Variants in PSD3 observed in about 807,000 individuals in gnomAD.
PSD3 encodes the protein PH and SEC7 domain-containing protein 3.
In PSD3, 49 loss-of-function variants were observed where a neutral mutation model predicts 105.5. The observed-to-expected ratio is 0.46, with a 90% CI of 0.37 to 0.59. The LOEUF is 0.59. Among genes scored for constraint, PSD3 ranks in the 20% least tolerant of loss-of-function variants. The pLI is 0.00. For missense variants in PSD3, 1,561 were observed against 1,263.8 expected, an observed-to-expected ratio of 1.24 and a Z score of -3.57; for synonymous variants, 557 against 457.8, an observed-to-expected ratio of 1.22 and a Z score of -2.77.
chr8:18,575,052 T>C lies in PSD3; in HGVS notation c.2639+76A>G, dbSNP rs115348678. 1.9e-3 allele frequency: 2,813 copies of C among 1,443,468 alleles called. 63 individuals carry two copies. In the African/African-American group the frequency reaches 0.037, roughly 19 times the overall value. 89.4% of individuals were successfully genotyped at this position (1,443,468 alleles called of 1,614,324 possible). A position where few individuals can be genotyped will look rare whatever the true frequency, so the allele number is the denominator to read the frequency against. ...ACTCAAAAAATTTCCCCTGCAGAGC[T>C]TGATTTTGTTCCTTGCAATAAAGTA... On this transcript the variant is annotated intron_variant, in intron 13 of 15. Transcript: ENST00000327040.
In PSD3 at chr8:18,799,322, C is replaced by G. The variant is rs750869677; in HGVS notation, c.2055G>C (p.Met685Ile). The change falls in exon 8 of 16, where the codon ATG becomes ATC. Residue 685 changes from methionine to isoleucine, a missense_variant. Met to Ile is a conservative substitution (Grantham distance 10). Coordinates refer to ENST00000327040, the MANE Select transcript of PSD3 (RefSeq NM_015310.4). ...GGCCATGTAGATCGGTATTAAGAAG[C>G]ATTATTGCACAGGTAAGGCAATGGA... The part of the protein sequence containing the change: ...DGVHCLTCAI[M>I]LLNTDLHGHN... The G allele has an allele frequency of 3.1e-6, 5 of 1,608,712 alleles. No homozygotes were observed. The highest frequency in any genetic ancestry group is 1.1e-5 in the South Asian group (1 of 90,948).
intron 14 of PSD3, among the ~76,000 whole-genome samples, chr8:18,568,542 C>A (rs1411159989): frequency 3.9e-5 from 6 of 152,102 alleles, no homozygotes; most frequent in Middle Eastern, 3.2e-3. Flanking sequence ...CCTGTTTCCT[C>A]TACTTCCATG....
At chr8:19,054,745 A>G (rs1293732117) in intron 1 of PSD3, among the ~76,000 whole-genome samples, 1 of 152,242 alleles carries the variant, frequency 6.6e-6, no homozygotes, top group East Asian at 1.9e-4. Context: ...ACAGAATCAT[A>G]ATAACAAATT....
chr8:19,015,780 G>C (rs1827160521), upstream of PSD3, among the ~76,000 whole-genome samples: 1 of 152,196 alleles, frequency 6.6e-6, no homozygotes, highest in Non-Finnish European at 1.5e-5. Flanking sequence ...ATTAAGGAAA[G>C]CTCCTGGCCT....
chr8:18,790,708 G>C (rs931717911), intron 8 of PSD3, among the ~76,000 whole-genome samples: 9 of 151,890 alleles, frequency 5.9e-5, no homozygotes, highest in African/African-American at 1.9e-4. Flanking sequence ...ATGAACGCCA[G>C]GCCCCACTAG....
intron 4 of PSD3, among the ~76,000 whole-genome samples, chr8:18,811,976 T>C (rs1320052525): frequency 2.0e-5 from 3 of 152,178 alleles, no homozygotes; most frequent in Non-Finnish European, 4.4e-5. Flanking sequence ...TACATACAAA[T>C]TGAAAGAAAA....
intron 9 of PSD3, among the ~76,000 whole-genome samples, chr8:18,674,212 G>T (rs997747450): frequency 1.3e-5 from 2 of 152,118 alleles, no homozygotes; most frequent in African/African-American, 2.4e-5. Context: ...CATTCAGAAG[G>T]TCGACTTACT....
intron 12 of PSD3, among the ~76,000 whole-genome samples, chr8:18,592,582 C>T (rs577646851): frequency 6.6e-6 from 1 of 151,990 alleles, no homozygotes; most frequent in Non-Finnish European, 1.5e-5. Flanking sequence ...CAAAGAAAAA[C>T]AGAGGACTTT....
intron 2 of PSD3, among the ~76,000 whole-genome samples, chr8:18,933,351 C>G (rs1821871349): frequency 6.6e-6 from 1 of 151,120 alleles, no homozygotes; most frequent in Non-Finnish European, 1.5e-5. Flanking sequence ...GGTATTATCT[C>G]TATATAGTTA....
intron 8 of PSD3, among the ~76,000 whole-genome samples, chr8:18,766,610 A>C (rs897212943): frequency 1.3e-5 from 2 of 152,216 alleles, no homozygotes; most frequent in Non-Finnish European, 2.9e-5. Flanking sequence ...CATACTATCA[A>C]GACCTGTGAA....
intron 9 of PSD3, among the ~76,000 whole-genome samples, chr8:18,718,994 G>C (rs1054249644): frequency 1.3e-5 from 2 of 152,180 alleles, no homozygotes; most frequent in Non-Finnish European, 2.9e-5. Context: ...CTGATGTAGA[G>C]ATCTTGTGGG....
At chr8:19,049,644 T>C (rs1828445824) in intron 1 of PSD3, among the ~76,000 whole-genome samples, 1 of 140,692 alleles carries the variant, frequency 7.1e-6, no homozygotes, top group Non-Finnish European at 1.5e-5. Flanking sequence ...TGAGCCACGA[T>C]TGCTCCACTG....
At chr8:18,766,041 AC>A (rs1806970121) in intron 8 of PSD3, among the ~76,000 whole-genome samples, 1 of 152,010 alleles carries the variant, frequency 6.6e-6, no homozygotes, top group South Asian at 2.1e-4. Context: ...ATTTACAAAT[AC>A]AGGGCTGGGC....
At chr8:18,770,534 C>G (rs758506632) in intron 8 of PSD3, among the ~76,000 whole-genome samples, 5 of 152,190 alleles carry the variant, frequency 3.3e-5, no homozygotes, top group Non-Finnish European at 7.3e-5. Context: ...CAGCCAACTC[C>G]ACTCACTCAA....
At chr8:18,890,251 C>T (rs1818703129) in intron 2 of PSD3, among the ~76,000 whole-genome samples, 1 of 151,772 alleles carries the variant, frequency 6.6e-6, no homozygotes, top group South Asian at 2.1e-4. Context: ...ATCAGTTTTC[C>T]TAGCTCAATT....
Position 18,534,618 on chromosome 8 carries a change from A to G in PSD3, c.*1125T>C, listed in dbSNP as rs1218122253. 1 of 152,240 alleles carries G rather than the reference A, an allele frequency of 6.6e-6. No individual in the cohort carries two copies. The highest frequency in any genetic ancestry group is 1.5e-5 in the Non-Finnish European group (1 of 68,044). 9.4% of individuals were successfully genotyped at this position (152,240 alleles called of 1,614,324 possible). ...CAGAAGATTCCTCAGTTTTCCAACC[A>G]TAATTCATTCTGACTACTACTTTCA... is the stretch of plus-strand genomic sequence containing the variant. On this transcript the variant is annotated 3_prime_UTR_variant, in exon 16 of 16. Transcript: ENST00000327040.
chr8:18,580,013 A>C (rs1802704969), intron 12 of PSD3, among the ~76,000 whole-genome samples: 1 of 152,188 alleles, frequency 6.6e-6, no homozygotes, highest in African/African-American at 2.4e-5. Flanking sequence ...CTGGGTCCTA[A>C]ATTGTCTATT....
At chr8:18,665,718 G>A (rs760955597) in intron 9 of PSD3, among the ~76,000 whole-genome samples, 3 of 152,144 alleles carry the variant, frequency 2.0e-5, no homozygotes, top group African/African-American at 7.2e-5. Context: ...TGTGGGTGGC[G>A]TGCATGCCAA....
rs1563378093 is a variant in PSD3, at chr8:18,879,076, ACACACACACACG to A, written c.131-6355_131-6344del. On this transcript the variant is annotated intron_variant, in intron 2 of 15. Transcript: ENST00000327040. The stretch of plus-strand genomic sequence containing the variant: ...AACACACACACACACACACACACAC[ACACACACACACG>A]CACACACAACTGAACACTGGCCCCA... Among the ~76,000 whole-genome samples the A allele has an allele frequency of 4.8e-4, 72 of 150,928 alleles. 1 individual carries two copies. Among genetic ancestry groups the A allele is most frequent in the African/African-American group, 1.0e-3 (41 of 41,166 alleles).
Sources: allele counts gnomAD v4.1 joint callset (sites outside exome capture counted in the v4.1 genomes callset), GRCh38; gene constraint gnomAD v4.1.1; transcripts MANE v1.5; gene names NCBI Gene and HGNC (gene_info 2026-07-23, HGNC 2026-07-21).